The following VWF variants were observed in gnomAD, a reference collection of about 807,000 sequenced individuals.
The protein encoded by VWF is von Willebrand factor, also known as Factor VIII related antigen.
Under a neutral mutation model 308.6 loss-of-function variants are expected in VWF, and 176 were observed. The ratio of observed to expected loss-of-function variants is 0.57; its 90% CI spans 0.50 to 0.65. VWF has a LOEUF of 0.65. Ranked by LOEUF, VWF falls within the 30% of genes least tolerant of loss-of-function variation. VWF has a pLI of 0.00. For synonymous variants in VWF, 1,385 were observed against 1,443.4 expected, an observed-to-expected ratio of 0.96 and a Z score of 0.92; for missense variants, 3,146 against 3,648.2, an observed-to-expected ratio of 0.86 and a Z score of 3.55.
chr12:5,998,998 C>T (rs1417936057), intron 34 of VWF, among the ~76,000 whole-genome samples: 2 of 152,194 alleles, frequency 1.3e-5, no homozygotes, highest in East Asian at 3.9e-4. Flanking sequence ...GCTGGGATTA[C>T]AGGCGTGAGC....
rs776831620 is a variant in VWF, at chr12:6,018,782, C to T, written c.4636G>A (p.Val1546Met). The part of the protein sequence containing the change: ...HVTVLQYSYM[V>M]TVEYPFSEAQ... ...TCGCTGAAGGGGTACTCCACAGTCA[C>T]CATGTAGGAGTACTGCAGCACCGTG... is the stretch of plus-strand genomic sequence containing the variant. The change falls in exon 28 of 52, where the codon GTG (valine) becomes ATG (methionine). Residue 1546 changes from valine to methionine, a missense_variant. Around this residue, in one of 3 missense-constraint regions of VWF, gnomAD observed 853 missense variants for 1,177.8 expected, o/e 0.72. Transcript: ENST00000261405. 7 of 1,613,580 alleles carry T rather than the reference C, an allele frequency of 4.3e-6. No homozygotes were observed. The highest frequency in any genetic ancestry group is 1.3e-5 in the African/African-American group (1 of 74,888).
In VWF at chr12:5,976,124, T is replaced by C. The variant is rs775525534; in HGVS notation, c.7424A>G (p.Asp2475Gly). Reference sequence around the variant, plus strand: ...TGCCCCACTCACCGACCGACAGCTGTCCTCACAGGGCTTCTGGGAGCACTG... The same window carrying C: ...TGCCCCACTCACCGACCGACAGCTGCCCTCACAGGGCTTCTGGGAGCACTG... ...VAQCSQKPCE[D>G]SCRSGFTYVL... The change falls in exon 43 of 52, where the codon GAC (aspartate) becomes GGC (glycine). Residue 2475 changes from aspartate (D) to glycine (G), a missense_variant. Asp to Gly is a moderately conservative substitution (Grantham distance 94, BLOSUM62 -1). Coordinates refer to ENST00000261405, the MANE Select transcript of VWF (RefSeq NM_000552.5). 2 of 1,613,898 alleles carry C rather than the reference T, an allele frequency of 1.2e-6. No individual in the cohort carries two copies. Among genetic ancestry groups the C allele is most frequent in the Non-Finnish European group, 1.7e-6 (2 of 1,180,026 alleles).
intron 1 of VWF, among the ~76,000 whole-genome samples, 166 bp from the exon 2 acceptor site, chr12:6,123,362 G>GA (rs1388370392): frequency 1.3e-5 from 2 of 152,196 alleles, no homozygotes; most frequent in African/African-American, 2.4e-5. Context: ...TCTGGCCCCC[G>GA]AAAAAACCCC....
chr12:6,007,237 CA>C (rs1210670501), intron 34 of VWF, among the ~76,000 whole-genome samples: 2 of 152,280 alleles, frequency 1.3e-5, no homozygotes, highest in Admixed American at 1.3e-4. Flanking sequence ...ACCTATCAAA[CA>C]AATACAGAAC....
intron 38 of VWF, among the ~76,000 whole-genome samples, chr12:5,989,905 C>A (rs890081126): frequency 6.6e-6 from 1 of 152,198 alleles, no homozygotes; most frequent in Non-Finnish European, 1.5e-5. Flanking sequence ...GAAATTACCA[C>A]AGGTTTCTAG....
intron 10 of VWF, among the ~76,000 whole-genome samples, chr12:6,070,058 T>C (rs1008561848): frequency 5.3e-5 from 8 of 152,316 alleles, no homozygotes; most frequent in Admixed American, 2.0e-4. Context: ...ATACAATGAG[T>C]GCTTATTATT....
At chr12:5,986,505 C>T (rs1430001599) in intron 38 of VWF, among the ~76,000 whole-genome samples, 2 of 152,186 alleles carry the variant, frequency 1.3e-5, no homozygotes, top group African/African-American at 4.8e-5. Context: ...GCTCAAAGGC[C>T]TCTAAGAAGT....
Position 5,969,263 on chromosome 12 carries a change from C to T in VWF, c.7677G>A (p.Ser2559=), listed in dbSNP as rs546185888. 31 of 1,614,150 alleles carry T rather than the reference C, an allele frequency of 1.9e-5. No homozygotes were observed. Among genetic ancestry groups the T allele is most frequent in the East Asian group, 4.5e-5 (2 of 44,880 alleles). The change falls in exon 45 of 52, where the codon TCG becomes TCA. Residue 2559 remains serine, a synonymous_variant. Coordinates refer to ENST00000261405, the MANE Select transcript of VWF (RefSeq NM_000552.5). ...CPQLEVPVCP[S]GFQLSCKTSA... ...AGGTCTTACAGCTCAGCTGAAAGCCCGAGGGGCAGACAGGGACCTCCAGCT... is the reference window on the plus strand; with the variant it reads ...AGGTCTTACAGCTCAGCTGAAAGCCTGAGGGGCAGACAGGGACCTCCAGCT...
At chr12:6,108,313 A>G (rs1945265975) in intron 5 of VWF, among the ~76,000 whole-genome samples, 1 of 131,440 alleles carries the variant, frequency 7.6e-6, no homozygotes, top group African/African-American at 3.0e-5. Flanking sequence ...AAAAAAAGAA[A>G]GAAAGAAAGA....
chr12:6,100,714 G>A (rs959381079), intron 5 of VWF, among the ~76,000 whole-genome samples: 1 of 152,186 alleles, frequency 6.6e-6, no homozygotes, highest in African/African-American at 2.4e-5. Context: ...GACACAGGAA[G>A]GGGAACATCA....
chr12:6,043,846 C>T (rs570475688), intron 18 of VWF, among the ~76,000 whole-genome samples: 21 of 152,330 alleles, frequency 1.4e-4, no homozygotes, highest in African/African-American at 4.6e-4. Context: ...GCTAGTGACA[C>T]GGCAGGGCCA....
chr12:6,082,090 C>A (rs2136482727), intron 6 of VWF, among the ~76,000 whole-genome samples: 1 of 152,174 alleles, frequency 6.6e-6, no homozygotes, highest in Non-Finnish European at 1.5e-5. Flanking sequence ...CCTCAGCCTC[C>A]TGAGTAGCTG....
intron 19 of VWF, among the ~76,000 whole-genome samples, chr12:6,035,398 T>G (rs111922150): frequency 0.012 from 1,902 of 152,304 alleles, 39 homozygotes; most frequent in African/African-American, 0.041. Context: ...TGTCCCTCCC[T>G]GCCACCACCC....
At chr12:6,057,531 A>C (rs1944598755) in intron 14 of VWF, among the ~76,000 whole-genome samples, 1 of 139,098 alleles carries the variant, frequency 7.2e-6, no homozygotes, top group African/African-American at 2.7e-5. Context: ...TATTATTTTA[A>C]TAGAAATGGG....
chr12:6,122,872 C>T, intron 2 of VWF: 1 of 731,446 alleles, frequency 1.4e-6, no homozygotes, highest in African/African-American at 1.7e-5. Context: ...ATTCCTTCCT[C>T]CTCATCCTGT....
intron 3 of VWF, among the ~76,000 whole-genome samples, chr12:6,111,964 A>G (rs1474057971): frequency 6.6e-6 from 1 of 152,118 alleles, no homozygotes; most frequent in Non-Finnish European, 1.5e-5. Flanking sequence ...TCTCAAAAAA[A>G]ATAAAAAATA....
chr12:5,976,986 C>T (rs1216933071), intron 42 of VWF, among the ~76,000 whole-genome samples: 2 of 152,158 alleles, frequency 1.3e-5, no homozygotes, highest in Admixed American at 6.5e-5. Context: ...GTATGCCCTC[C>T]AAAGTTATGC....
rs1591827147 is a variant in VWF at position 5,949,824 on chromosome 12, A to G, written c.8215T>C (p.Cys2739Arg). Residue 2739 changes from cysteine (C) to arginine (R), a missense_variant, in exon 51 of 52, where the codon TGT (cysteine) becomes CGT (arginine). Cys to Arg is a radical substitution (Grantham distance 180). Coordinates refer to ENST00000261405, the MANE Select transcript of VWF (RefSeq NM_000552.5). Reference sequence around the variant, plus strand: ...ATATCCACCTCTACTTCAGACTTACAGCTTCCCACCTTGACATACTGCAGC... The same window carrying G: ...ATATCCACCTCTACTTCAGACTTACGGCTTCCCACCTTGACATACTGCAGC... ...ARLQYVKVGS[C>R]KSEVEVDIHY... is the part of the protein sequence containing the mutation. The G allele has an allele frequency of 6.2e-7, 1 of 1,614,064 alleles. No homozygotes were observed. The highest frequency in any genetic ancestry group is 8.5e-7 in the Non-Finnish European group (1 of 1,180,008).
rs1318872086 is a variant in VWF at position 6,019,725 on chromosome 12, G to A, written c.3693C>T (p.Asn1231=). Residue 1231 remains asparagine (N), a synonymous_variant, in exon 28 of 52, where the codon AAC becomes AAT. Coordinates refer to ENST00000261405, the MANE Select transcript of VWF (RefSeq NM_000552.5). The surrounding 1 kb of genome is among the most constrained non-coding windows in gnomAD (Gnocchi z 5.8). The stretch of plus-strand genomic sequence containing the variant: ...GCTCCTGGCAGGCTTCACAGGTGAG[G>A]TTGACAACATCACAGTGGCTGCAGA... ...HCQICHCDVV[N]LTCEACQEPG... 1.2e-6 allele frequency: 2 copies of A among 1,613,322 alleles called. No individual in the cohort carries two copies. The highest frequency in any genetic ancestry group is 8.5e-7 in the Non-Finnish European group (1 of 1,179,610).
Sources: allele counts gnomAD v4.1 joint callset (sites outside exome capture counted in the v4.1 genomes callset), GRCh38; gene constraint gnomAD v4.1.1; regional missense constraint gnomAD v4.1.1; non-coding constraint Gnocchi (gnomAD v3.1); transcripts MANE v1.5; gene names NCBI Gene and HGNC (gene_info 2026-07-23, HGNC 2026-07-21).